Variants in MOB3B observed in about 807,000 individuals in gnomAD.
MOB3B encodes the protein MOB kinase activator 3B.
Under a neutral mutation model 18.7 loss-of-function variants are expected in MOB3B, and 7 were observed. The ratio of observed to expected loss-of-function variants is 0.37; its 90% CI spans 0.21 to 0.70. MOB3B has a LOEUF of 0.70. MOB3B is among the 30% of genes least tolerant of loss of function. The probability of loss-of-function intolerance (pLI) is 0.52; values close to 1 mark genes in which losing one functional copy is unlikely to be tolerated. For missense variants in MOB3B, 253 were observed against 281.3 expected (o/e 0.90, Z 0.72); for synonymous variants, 111 against 99.9 (o/e 1.11, Z -0.66).
intron 2 of MOB3B, among the ~76,000 whole-genome samples, chr9:27,379,467 C>G (rs1202443005): frequency 1.3e-5 from 2 of 152,112 alleles, no homozygotes; most frequent in Admixed American, 6.5e-5. Context: ...GAGTCCTCAC[C>G]ACAACCACAG....
intron 2 of MOB3B, among the ~76,000 whole-genome samples, chr9:27,371,930 T>G (rs76254237): frequency 0.034 from 5,133 of 152,260 alleles, 134 homozygotes; most frequent in East Asian, 0.073. Flanking sequence ...TTAACATTAT[T>G]TAGTCTTATA....
intron 3 of MOB3B, among the ~76,000 whole-genome samples, chr9:27,342,875 GC>G (rs1462758127): frequency 4.0e-5 from 6 of 151,172 alleles, no homozygotes; most frequent in African/African-American, 9.8e-5. Context: ...TGCAGCCTCT[GC>G]CCGGCCGCCA....
chr9:27,350,933 G>A lies in MOB3B; in HGVS notation c.621+8101C>T, dbSNP rs548314369. Among the ~76,000 whole-genome samples, 10 of 143,180 alleles carry A rather than the reference G, an allele frequency of 7.0e-5. No homozygotes were observed. In the East Asian group the frequency reaches 1.8e-3, roughly 26 times the overall value. The allele number at this position is 143,180 out of a possible 152,430, so 93.9% of individuals were successfully genotyped here. A position where few individuals can be genotyped will look rare whatever the true frequency, so the allele number is the denominator to read the frequency against. The stretch of plus-strand genomic sequence containing the variant: ...TTTTTTTTTTTTAAGACGAAGTCTC[G>A]CTGTTGTGCCCCAGGCTGGAGTGTG... On this transcript the variant is annotated intron_variant, in intron 3 of 3. Coordinates refer to ENST00000262244, the MANE Select transcript of MOB3B (RefSeq NM_024761.5).
chr9:27,468,426 C>T (rs1819418220), intron 1 of MOB3B, among the ~76,000 whole-genome samples: 1 of 152,188 alleles, frequency 6.6e-6, no homozygotes, highest in Admixed American at 6.5e-5. Context: ...CTTGCCCAGC[C>T]TCGATTTCCT....
At chr9:27,479,565 G>A (rs1413680423) in intron 1 of MOB3B, among the ~76,000 whole-genome samples, 2 of 151,910 alleles carry the variant, frequency 1.3e-5, no homozygotes, top group African/African-American at 4.8e-5. Context: ...AGGAAACTAA[G>A]AAAAAGATAA....
At chr9:27,369,890 C>G (rs558230753) in intron 2 of MOB3B, among the ~76,000 whole-genome samples, 1 of 152,056 alleles carries the variant, frequency 6.6e-6, no homozygotes, top group Non-Finnish European at 1.5e-5. Context: ...TCATAACACC[C>G]GCTGCTTCTT....
intron 3 of MOB3B, among the ~76,000 whole-genome samples, chr9:27,346,232 G>C (rs902952657): frequency 2.6e-5 from 4 of 152,180 alleles, no homozygotes; most frequent in African/African-American, 9.7e-5. Context: ...CTAGCACCTT[G>C]ATGTAGGACT....
At chr9:27,460,604 A>G (rs190348121) in intron 1 of MOB3B, among the ~76,000 whole-genome samples, 1 of 152,316 alleles carries the variant, frequency 6.6e-6, no homozygotes, top group African/African-American at 2.4e-5. Flanking sequence ...CCTTGGTGGT[A>G]CTGAAGGGTG....
chr9:27,369,967 G>C (rs1009557467), intron 2 of MOB3B, among the ~76,000 whole-genome samples: 2 of 143,654 alleles, frequency 1.4e-5, no homozygotes, highest in African/African-American at 5.2e-5. Context: ...TCTCCCAGGA[G>C]ACTGAAAATT....
At chr9:27,348,227 GA>G (rs1450553786) in intron 3 of MOB3B, among the ~76,000 whole-genome samples, 1 of 152,074 alleles carries the variant, frequency 6.6e-6, no homozygotes, top group Non-Finnish European at 1.5e-5. Flanking sequence ...GTAGGATGTA[GA>G]AAATGGGAAA....
At chr9:27,413,725 G>A (rs2131404344) in intron 2 of MOB3B, among the ~76,000 whole-genome samples, 1 of 152,296 alleles carries the variant, frequency 6.6e-6, no homozygotes, top group East Asian at 1.9e-4. Flanking sequence ...AGGATTTGAA[G>A]GATTGGTTGA....
At chr9:27,438,487 A>G (rs992957607) in intron 2 of MOB3B, among the ~76,000 whole-genome samples, 1 of 152,244 alleles carries the variant, frequency 6.6e-6, no homozygotes, top group African/African-American at 2.4e-5. Context: ...GCAGATGGGC[A>G]AAGTGCTGGG....
At chr9:27,353,281 C>T (rs1482154835) in intron 3 of MOB3B, among the ~76,000 whole-genome samples, 1 of 152,166 alleles carries the variant, frequency 6.6e-6, no homozygotes, top group Admixed American at 6.5e-5. Flanking sequence ...CAGCAAGATC[C>T]CTGGTGATTC....
At chr9:27,343,273 G>A (rs1386175566) in intron 3 of MOB3B, among the ~76,000 whole-genome samples, 2 of 151,442 alleles carry the variant, frequency 1.3e-5, no homozygotes, top group African/African-American at 4.9e-5. Context: ...ATGCTTGAAA[G>A]CAGCATGCTC....
intron 1 of MOB3B, among the ~76,000 whole-genome samples, chr9:27,475,811 C>G (rs1209706087): frequency 6.6e-6 from 1 of 152,198 alleles, no homozygotes; most frequent in African/African-American, 2.4e-5. Context: ...AAACTCCTCA[C>G]ACCCTCCACC....
At chr9:27,484,667 C>T (rs746718719) in intron 1 of MOB3B, among the ~76,000 whole-genome samples, 2 of 152,240 alleles carry the variant, frequency 1.3e-5, no homozygotes, top group South Asian at 4.1e-4. Flanking sequence ...TTGCTTGTTC[C>T]TGTGCATTTC....
chr9:27,439,568 A>G (rs1022970484), intron 2 of MOB3B, among the ~76,000 whole-genome samples: 1 of 152,202 alleles, frequency 6.6e-6, no homozygotes, highest in South Asian at 2.1e-4. Context: ...ATGAGAAAGT[A>G]GCAAAGCCAT....
At position 27,455,490 on chromosome 9, in the gene MOB3B, A is replaced by G. The variant is rs377129841; in HGVS notation, c.61T>C (p.Phe21Leu). The G allele has an allele frequency of 6.2e-7, 1 of 1,614,038 alleles. No individual in the cohort carries two copies. Among genetic ancestry groups the G allele is most frequent in the African/African-American group, 1.3e-5 (1 of 74,906 alleles). ...KDKTFRPKRKFEPGTQRFELH... is the reference protein window; with the variant it reads ...KDKTFRPKRKLEPGTQRFELH... ...TCAAACCTCTGTGTGCCAGGTTCAA[A>G]TTTCCTCTTGGGTCGGAAGGTCTTG... Residue 21 changes from phenylalanine to leucine, a missense_variant, in exon 2 of 4, where the codon TTT becomes CTT. Transcript: ENST00000262244.
chr9:27,458,218 A>G (rs1189368602), intron 1 of MOB3B, among the ~76,000 whole-genome samples: 1 of 152,076 alleles, frequency 6.6e-6, no homozygotes, highest in African/African-American at 2.4e-5. Context: ...ATGGCCATAC[A>G]TACCCTTGGT....
Sources: allele counts gnomAD v4.1 joint callset (sites outside exome capture counted in the v4.1 genomes callset), GRCh38; gene constraint gnomAD v4.1.1; transcripts MANE v1.5; gene names NCBI Gene and HGNC (gene_info 2026-07-23, HGNC 2026-07-21).